Variants in SLCO3A1 observed in about 807,000 individuals in gnomAD.
SLCO3A1 encodes the protein solute carrier organic anion transporter family member 3A1.
Under a neutral mutation model 63.1 loss-of-function variants are expected in SLCO3A1, and 27 were observed. That is an observed-to-expected ratio of 0.43 (90% confidence interval 0.32 to 0.59). The LOEUF is 0.59. SLCO3A1 is among the 20% of genes least tolerant of loss of function. The pLI, the probability that SLCO3A1 is intolerant of heterozygous loss-of-function variation, is 0.09. For missense variants in SLCO3A1, 773 were observed against 945.8 expected (o/e 0.82, Z 2.40); for synonymous variants, 473 against 409.9 (o/e 1.15, Z -1.86).
rs1388131146 is a variant in SLCO3A1, at chr15:91,900,906, A to T, written c.181-15087A>T. On this transcript the variant is annotated intron_variant, in intron 1 of 9. Transcript: ENST00000318445. This position sits in a 1 kb window ranked among gnomAD's most constrained non-coding sequence, Gnocchi z 4.3. ...TTTCTGTCTCATTGTTTTATCAATT[A>T]TTGAGAGGGATATTAACTTCTCCAA... Among the ~76,000 whole-genome samples, 1 of 152,192 alleles carries T rather than the reference A, an allele frequency of 6.6e-6. No individual in the cohort carries two copies. Among genetic ancestry groups the T allele is most frequent in the Non-Finnish European group, 1.5e-5 (1 of 68,024 alleles).
At chr15:92,084,616 T>G (rs1222571672) in intron 2 of SLCO3A1, among the ~76,000 whole-genome samples, 1 of 152,164 alleles carries the variant, frequency 6.6e-6, no homozygotes, top group Non-Finnish European at 1.5e-5. Context: ...GGGGAGCTGA[T>G]AGCAGTCCCT....
At position 91,897,719 on chromosome 15, in the gene SLCO3A1, G is replaced by A. The variant is rs1460131226; in HGVS notation, c.181-18274G>A. 6.6e-6 allele frequency among the ~76,000 whole-genome samples: 1 copy of A among 152,192 alleles called. No individual in the cohort carries two copies. The highest frequency in any genetic ancestry group is 1.5e-5 in the Non-Finnish European group (1 of 68,038). ...GCAGAGTGGATTGGTGTGCTCCCAT[G>A]TGCTAGGCTGAGTCTACCCTGCAGC... is the stretch of plus-strand genomic sequence containing the variant. On this transcript the variant is annotated intron_variant, in intron 1 of 9. Coordinates refer to ENST00000318445, the MANE Select transcript of SLCO3A1 (RefSeq NM_013272.4). This position sits in a 1 kb window ranked among gnomAD's most constrained non-coding sequence, Gnocchi z 4.7.
At chr15:92,129,073 G>A (rs2047961368) in intron 7 of SLCO3A1, among the ~76,000 whole-genome samples, 1 of 152,188 alleles carries the variant, frequency 6.6e-6, no homozygotes, top group South Asian at 2.1e-4. Flanking sequence ...CTGAAAACCT[G>A]ATGCTAAGTG....
chr15:92,104,376 G>T lies in SLCO3A1; in HGVS notation c.843G>T (p.Leu281Phe). The T allele has an allele frequency of 6.2e-7, 1 of 1,614,132 alleles. No homozygotes were observed. Among genetic ancestry groups the T allele is most frequent in the Non-Finnish European group, 8.5e-7 (1 of 1,180,034 alleles). ...CGALLFFSSL[L>F]MFGFPQSLPP... Reference sequence around the variant, plus strand: ...CCTTACTCTTCTTCTCTTCCCTCTTGATGTTTGGGTTTCCACAGTCCCTGC... The same window carrying T: ...CCTTACTCTTCTTCTCTTCCCTCTTTATGTTTGGGTTTCCACAGTCCCTGC... Residue 281 changes from leucine (L) to phenylalanine (F), a missense_variant, in exon 4 of 10, where the codon TTG becomes TTT. By Grantham distance (22) the Leu-to-Phe change is conservative (BLOSUM62 0). Transcript: ENST00000318445.
At chr15:91,983,829 T>C (rs1342904946) in intron 2 of SLCO3A1, among the ~76,000 whole-genome samples, 1 of 152,232 alleles carries the variant, frequency 6.6e-6, no homozygotes, top group Admixed American at 6.5e-5. Context: ...TCTGGTTTTC[T>C]AAGTCCAGTT....
intron 9 of SLCO3A1, among the ~76,000 whole-genome samples, chr15:92,156,917 A>T (rs1285566262): frequency 2.6e-5 from 4 of 152,176 alleles, no homozygotes; most frequent in African/African-American, 9.6e-5. Context: ...AGACCAAGGA[A>T]TATAAATAGG....
At position 91,950,208 on chromosome 15, in the gene SLCO3A1, G is replaced by T. The variant is rs1416726509; in HGVS notation, c.646+33750G>T. ...TGGAATGAGGTAGGGAGGCCTGATG[G>T]TATGGAGTCTGCATGCTCAGGGCTG... is the stretch of plus-strand genomic sequence containing the variant. On this transcript the variant is annotated intron_variant, in intron 2 of 9. Coordinates refer to ENST00000318445, the MANE Select transcript of SLCO3A1 (RefSeq NM_013272.4). The surrounding 1 kb of genome is among the most constrained non-coding windows in gnomAD (Gnocchi z 4.4). 2.6e-5 allele frequency among the ~76,000 whole-genome samples: 4 copies of T among 152,226 alleles called. No homozygotes were observed. The highest frequency in any genetic ancestry group is 7.2e-5 in the African/African-American group (3 of 41,456).
intron 7 of SLCO3A1, among the ~76,000 whole-genome samples, chr15:92,143,601 G>A (rs1032633377): frequency 7.3e-6 from 1 of 137,762 alleles, no homozygotes; most frequent in African/African-American, 2.8e-5. Flanking sequence ...TCAGGGGGAA[G>A]ATGGATTTGA....
In SLCO3A1 at chr15:91,984,558, A is replaced by G. The variant is rs913987429; in HGVS notation, c.646+68100A>G. 3.9e-5 allele frequency among the ~76,000 whole-genome samples: 6 copies of G among 152,344 alleles called. No homozygotes were observed. In the East Asian group the frequency reaches 9.6e-4, roughly 24 times the overall value. Reference sequence around the variant, plus strand: ...ACCAACAATACTTTATCAATTTTATACTTGTATTCTTTGATAACATAGAAG... The same window carrying G: ...ACCAACAATACTTTATCAATTTTATGCTTGTATTCTTTGATAACATAGAAG... On this transcript the variant is annotated intron_variant, in intron 2 of 9. Transcript: ENST00000318445.
At position 91,854,617 on chromosome 15, in the gene SLCO3A1, C is replaced by T. The variant is rs1345977249; in HGVS notation, c.180+529C>T. Among the ~76,000 whole-genome samples the T allele has an allele frequency of 1.3e-5, 2 of 152,006 alleles. No homozygotes were observed. Among genetic ancestry groups the T allele is most frequent in the Non-Finnish European group, 2.9e-5 (2 of 67,998 alleles). Reference sequence around the variant, plus strand: ...GGATATAACAGCTTAGAGTGAAATGCGCCCTAGTGTGGCCCTGGCCTGAGC... The same window carrying T: ...GGATATAACAGCTTAGAGTGAAATGTGCCCTAGTGTGGCCCTGGCCTGAGC... On this transcript the variant is annotated intron_variant, in intron 1 of 9. Coordinates refer to ENST00000318445, the MANE Select transcript of SLCO3A1 (RefSeq NM_013272.4). This position sits in a 1 kb window ranked among gnomAD's most constrained non-coding sequence, Gnocchi z 6.4.
At chr15:91,995,998 T>C (rs2046187697) in intron 2 of SLCO3A1, among the ~76,000 whole-genome samples, 1 of 152,166 alleles carries the variant, frequency 6.6e-6, no homozygotes, top group Non-Finnish European at 1.5e-5. Flanking sequence ...TTTTACCTTT[T>C]TCATTTACTA....
intron 4 of SLCO3A1, among the ~76,000 whole-genome samples, chr15:92,118,419 G>A (rs577456736): frequency 9.3e-4 from 141 of 152,234 alleles, no homozygotes; most frequent in African/African-American, 3.2e-3. Flanking sequence ...CTAAGATGCT[G>A]ATCTTCTGTG....
intron 4 of SLCO3A1, among the ~76,000 whole-genome samples, chr15:92,105,312 A>C (rs760493075): frequency 7.2e-5 from 11 of 152,210 alleles, no homozygotes; most frequent in Non-Finnish European, 1.2e-4. Flanking sequence ...ACATTTCTTT[A>C]CATTCACTTT....
At chr15:92,102,803 G>A (rs2047622291) in intron 3 of SLCO3A1, among the ~76,000 whole-genome samples, 1 of 152,160 alleles carries the variant, frequency 6.6e-6, no homozygotes, top group Non-Finnish European at 1.5e-5. Context: ...GCCCTACAGA[G>A]AGCCCAAAAA....
chr15:92,072,771 G>A (rs1443352048), intron 2 of SLCO3A1, among the ~76,000 whole-genome samples: 3 of 152,054 alleles, frequency 2.0e-5, no homozygotes, highest in African/African-American at 7.2e-5. Context: ...TTTTCTGTGT[G>A]TCTATTATAA....
intron 3 of SLCO3A1, among the ~76,000 whole-genome samples, chr15:92,097,150 A>G (rs1242245964): frequency 6.6e-6 from 1 of 152,216 alleles, no homozygotes; most frequent in Non-Finnish European, 1.5e-5. Context: ...CCTTGAACCA[A>G]AAGCCTGCGA....
intron 9 of SLCO3A1, among the ~76,000 whole-genome samples, chr15:92,159,416 C>T (rs559752486): frequency 6.6e-6 from 1 of 151,526 alleles, no homozygotes; most frequent in South Asian, 2.1e-4. Flanking sequence ...GCCCAGGAGG[C>T]GGAGGTTGTA....
chr15:92,147,014 G>A lies in SLCO3A1; in HGVS notation c.1543G>A (p.Val515Ile), dbSNP rs143394318. Residue 515 changes from valine to isoleucine, a missense_variant, in exon 8 of 10, where the codon GTC becomes ATC. Coordinates refer to ENST00000318445, the MANE Select transcript of SLCO3A1 (RefSeq NM_013272.4). ...NLTGCACLTT[V>I]PAENATVVPG... ...CACGGGCTGTGCGTGCCTCACCACC[G>A]TCCCTGCTGAGAACGCAACCGTGGT... is the stretch of plus-strand genomic sequence containing the variant. The A allele has an allele frequency of 2.8e-4, 448 of 1,613,820 alleles. 5 individuals are homozygous for A. The South Asian group carries it at 4.4e-3, about 16-fold the overall frequency.
intron 1 of SLCO3A1, among the ~76,000 whole-genome samples, chr15:91,867,970 C>A (rs1897205931): frequency 6.6e-6 from 1 of 152,226 alleles, no homozygotes; most frequent in Non-Finnish European, 1.5e-5. Flanking sequence ...CTGGAAAGCT[C>A]TGTGAGCATC....
Sources: allele counts gnomAD v4.1 joint callset (sites outside exome capture counted in the v4.1 genomes callset), GRCh38; gene constraint gnomAD v4.1.1; non-coding constraint Gnocchi (gnomAD v3.1); transcripts MANE v1.5; gene names NCBI Gene and HGNC (gene_info 2026-07-23, HGNC 2026-07-21).